ABHD17B: variants seen among roughly 807,000 people sequenced by gnomAD.
ABHD17B encodes the protein alpha/beta hydrolase domain-containing protein 17B.
ABHD17B carries 9 observed loss-of-function variants against 26.2 expected under a neutral mutation model. The observed-to-expected ratio is 0.34, with a 90% CI of 0.21 to 0.60. The LOEUF (loss-of-function observed/expected upper bound fraction) is 0.60. ABHD17B is among the 20% of genes least tolerant of loss of function. ABHD17B has a pLI of 0.80. For missense variants in ABHD17B, 224 were observed against 352.1 expected, an observed-to-expected ratio of 0.64 and a Z score of 2.91; for synonymous variants, 127 against 122.3, an observed-to-expected ratio of 1.04 and a Z score of -0.25.
chr9:71,866,469 A>C lies in ABHD17B; in HGVS notation c.*318T>G, dbSNP rs1825958236. 1 of 1,036,300 alleles carries C rather than the reference A, an allele frequency of 9.6e-7. No individual in the cohort carries two copies. The highest frequency in any genetic ancestry group is 1.2e-6 in the Non-Finnish European group (1 of 857,580). 64.2% of individuals were successfully genotyped at this position (1,036,300 alleles called of 1,614,324 possible). On this transcript the variant is annotated 3_prime_UTR_variant, in exon 4 of 4. Transcript: ENST00000333421. ...TAAAAATATTTATAAATTTGTTTCTAGTATGCAAAAGCATTTGGCAATACT... is the reference window on the plus strand; with the variant it reads ...TAAAAATATTTATAAATTTGTTTCTCGTATGCAAAAGCATTTGGCAATACT...
At chr9:71,897,954 C>T (rs1391850547) in intron 1 of ABHD17B, among the ~76,000 whole-genome samples, 1 of 152,116 alleles carries the variant, frequency 6.6e-6, no homozygotes, top group Non-Finnish European at 1.5e-5. Context: ...TTACATTTCA[C>T]CACCTTCTTC....
In ABHD17B at chr9:71,865,868, G is replaced by GA. The variant is rs548875521; in HGVS notation, c.*918dup. ...ACAGCAAGACTCCATCTCAAAAAAT[G>GA]AAAAAAATAGCCAAAGTGAAAAGGG... On this transcript the variant is annotated 3_prime_UTR_variant, in exon 4 of 4. Transcript: ENST00000333421. The GA allele has an allele frequency of 5.6e-5, 55 of 984,404 alleles. 1 individual carries two copies. In the South Asian group the frequency reaches 2.0e-3, roughly 35 times the overall value. The allele number at this position is 984,404 out of a possible 1,614,324, so 61.0% of individuals were successfully genotyped here.
chr9:71,876,792 AAGC>A (rs1826291394), intron 1 of ABHD17B, among the ~76,000 whole-genome samples: 1 of 152,180 alleles, frequency 6.6e-6, no homozygotes, highest in African/African-American at 2.4e-5. Context: ...TGTTTATAAG[AAGC>A]AGCAGAAAAA....
At chr9:71,907,809 C>A (rs1179760762) in intron 1 of ABHD17B, among the ~76,000 whole-genome samples, 3 of 152,308 alleles carry the variant, frequency 2.0e-5, no homozygotes, top group East Asian at 3.9e-4. Flanking sequence ...GCCACCGAGC[C>A]TGGCCGGACA....
intron 2 of ABHD17B, among the ~76,000 whole-genome samples, chr9:71,871,120 C>CATT (rs921379308): frequency 2.0e-5 from 3 of 152,136 alleles, no homozygotes; most frequent in African/African-American, 7.2e-5. Context: ...GTTATAGTGA[C>CATT]ATTAAATACA....
At chr9:71,890,226 G>T (rs1564069465) in intron 1 of ABHD17B, among the ~76,000 whole-genome samples, 2 of 152,130 alleles carry the variant, frequency 1.3e-5, no homozygotes, top group African/African-American at 4.8e-5. Context: ...GGAGACAGAG[G>T]TTGCAGTGAG....
chr9:71,897,514 T>A (rs998559824), intron 1 of ABHD17B, among the ~76,000 whole-genome samples: 1 of 152,244 alleles, frequency 6.6e-6, no homozygotes, highest in African/African-American at 2.4e-5. Flanking sequence ...AGACCCTGTC[T>A]CAAAAAATAT....
intron 1 of ABHD17B, among the ~76,000 whole-genome samples, chr9:71,879,381 A>T (rs1485651533): frequency 6.6e-6 from 1 of 152,192 alleles, no homozygotes; most frequent in Non-Finnish European, 1.5e-5. Flanking sequence ...ACTACTTAAG[A>T]GGTAAAAATG....
intron 2 of ABHD17B, among the ~76,000 whole-genome samples, chr9:71,871,237 A>T (rs1826102484): frequency 6.6e-6 from 1 of 152,218 alleles, no homozygotes; most frequent in African/African-American, 2.4e-5. Context: ...GAATCTGGAT[A>T]TTCACCAGGA....
chr9:71,864,187 G>A (rs1246021109), downstream of ABHD17B, among the ~76,000 whole-genome samples: 1 of 146,600 alleles, frequency 6.8e-6, no homozygotes, highest in African/African-American at 2.5e-5. Context: ...TTCCTAATTA[G>A]CAGCCTCATG....
intron 1 of ABHD17B, among the ~76,000 whole-genome samples, chr9:71,883,419 A>G (rs1452937864): frequency 1.3e-5 from 2 of 152,206 alleles, no homozygotes; most frequent in African/African-American, 4.8e-5. Flanking sequence ...CTAGGGATTG[A>G]CACAGCTGGT....
chr9:71,873,513 T>A (rs1378498261), intron 2 of ABHD17B, among the ~76,000 whole-genome samples: 1 of 152,110 alleles, frequency 6.6e-6, no homozygotes, highest in Non-Finnish European at 1.5e-5. Flanking sequence ...TTCTCCTGCC[T>A]CAGCTTCCCG....
chr9:71,905,807 G>A (rs767055738), intron 1 of ABHD17B, among the ~76,000 whole-genome samples: 9 of 152,084 alleles, frequency 5.9e-5, no homozygotes, highest in East Asian at 1.9e-4. Flanking sequence ...GGGGTGCAGC[G>A]CCATGGTAGG....
At chr9:71,869,806 T>C (rs1199558754) in intron 3 of ABHD17B, among the ~76,000 whole-genome samples, 1 of 152,184 alleles carries the variant, frequency 6.6e-6, no homozygotes, top group Admixed American at 6.5e-5. Context: ...GTCAAATTTA[T>C]GTTTCAAATT....
intron 1 of ABHD17B, among the ~76,000 whole-genome samples, chr9:71,880,101 C>T (rs1454374439): frequency 6.6e-6 from 1 of 152,116 alleles, no homozygotes; most frequent in East Asian, 1.9e-4. Context: ...AAAACTCACG[C>T]ACTTCTTGAG....
At chr9:71,900,772 T>G (rs1305768234) in intron 1 of ABHD17B, among the ~76,000 whole-genome samples, 3 of 152,082 alleles carry the variant, frequency 2.0e-5, no homozygotes, top group Non-Finnish European at 4.4e-5. Context: ...ATCACTATAG[T>G]TGCAGCCTCT....
downstream of ABHD17B, among the ~76,000 whole-genome samples, chr9:71,864,208 ACTTT>A (rs561514820): frequency 5.4e-3 from 523 of 97,622 alleles, 5 homozygotes; most frequent in African/African-American, 0.018. Flanking sequence ...CATAGGCCAA[ACTTT>A]CTTTTTTTTT....
chr9:71,896,521 T>C (rs1826960842), intron 1 of ABHD17B, among the ~76,000 whole-genome samples: 2 of 152,126 alleles, frequency 1.3e-5, no homozygotes, highest in South Asian at 2.1e-4. Flanking sequence ...GGAGGAGGGT[T>C]AGAATTTCAG....
chr9:71,873,813 G>A (rs1373750151), intron 2 of ABHD17B, among the ~76,000 whole-genome samples: 2 of 152,074 alleles, frequency 1.3e-5, no homozygotes, highest in Admixed American at 6.6e-5. Flanking sequence ...GACTACAGGC[G>A]TGAGCCACCG....
Sources: gnomAD v4.1 joint callset for allele counts (sites outside exome capture counted in the v4.1 genomes callset) on GRCh38, gnomAD v4.1.1 for gene constraint, MANE v1.5 for transcripts, NCBI Gene and HGNC (gene_info 2026-07-23, HGNC 2026-07-21) for gene names.